ARHGAP28: variants seen among roughly 807,000 people sequenced by gnomAD.
The protein encoded by ARHGAP28 is Rho GTPase activating protein 28.
Under a neutral mutation model 90.7 loss-of-function variants are expected in ARHGAP28, and 56 were observed. That is an observed-to-expected ratio of 0.62 (90% CI 0.50 to 0.77). The LOEUF is 0.77. ARHGAP28 is among the 30% of genes least tolerant of loss of function. The pLI, the probability that ARHGAP28 is intolerant of heterozygous loss-of-function variation, is 0.00. For missense variants in ARHGAP28, 869 were observed against 900.9 expected (o/e 0.96, Z 0.45); for synonymous variants, 308 against 323.3 (o/e 0.95, Z 0.51).
chr18:6,753,088 G>C (rs2143271557), intron 1 of ARHGAP28, among the ~76,000 whole-genome samples: 1 of 152,198 alleles, frequency 6.6e-6, no homozygotes, highest in Admixed American at 6.5e-5. Flanking sequence ...TCTGGGTCTA[G>C]ACTAGATGTA....
At chr18:6,767,244 T>G (rs931220515) in intron 1 of ARHGAP28, among the ~76,000 whole-genome samples, 1 of 152,178 alleles carries the variant, frequency 6.6e-6, no homozygotes, top group African/African-American at 2.4e-5. Context: ...TTTGCTTTCA[T>G]TTTTTCTTCC....
intron 1 of ARHGAP28, among the ~76,000 whole-genome samples, chr18:6,801,725 T>C (rs1451595667): frequency 1.3e-5 from 2 of 152,172 alleles, no homozygotes; most frequent in Non-Finnish European, 2.9e-5. Flanking sequence ...AATTGAGATA[T>C]CCATAACCTT....
chr18:6,839,332 C>T (rs372704650), intron 3 of ARHGAP28, among the ~76,000 whole-genome samples: 17 of 140,706 alleles, frequency 1.2e-4, no homozygotes, highest in South Asian at 2.2e-4. Flanking sequence ...CTCGCTCTGT[C>T]GCCCAGGCTG....
chr18:6,862,739 A>G (rs2057008349), intron 5 of ARHGAP28, among the ~76,000 whole-genome samples: 1 of 152,340 alleles, frequency 6.6e-6, no homozygotes, highest in East Asian at 1.9e-4. Flanking sequence ...TTTAAAGATT[A>G]ATATTGGAGA....
chr18:6,876,125 T>G lies in ARHGAP28; in HGVS notation c.1213-6T>G. ...CTTATTCTGGTAATATATCATTGCT[T>G]TCTAGTTTTTTGAGAAAGTTGAGGA... On this transcript the variant is annotated splice_region_variant and splice_polypyrimidine_tract_variant and intron_variant, in intron 9 of 17. Coordinates refer to ENST00000383472, the MANE Select transcript of ARHGAP28 (RefSeq NM_001366230.1). 1 of 1,611,818 alleles carries G rather than the reference T, an allele frequency of 6.2e-7. No homozygotes were observed. Among genetic ancestry groups the G allele is most frequent in the South Asian group, 1.1e-5 (1 of 91,030 alleles).
intron 1 of ARHGAP28, among the ~76,000 whole-genome samples, chr18:6,733,433 T>C (rs1278853770): frequency 6.6e-6 from 1 of 152,146 alleles, no homozygotes; most frequent in Non-Finnish European, 1.5e-5. Context: ...TAAGAGTTAT[T>C]TCTTTTTTTA....
chr18:6,767,202 A>G (rs2056206498), intron 1 of ARHGAP28, among the ~76,000 whole-genome samples: 1 of 152,138 alleles, frequency 6.6e-6, no homozygotes, highest in African/African-American at 2.4e-5. Flanking sequence ...TTTGAGTAAT[A>G]CTATCATTTC....
intron 5 of ARHGAP28, among the ~76,000 whole-genome samples, chr18:6,862,862 G>A (rs1567974190): frequency 6.6e-6 from 1 of 152,058 alleles, no homozygotes; most frequent in South Asian, 2.1e-4. Context: ...ATTCCTTTAA[G>A]TCTTACACGC....
intron 1 of ARHGAP28, among the ~76,000 whole-genome samples, chr18:6,785,822 A>G (rs1323465097): frequency 1.3e-5 from 2 of 152,228 alleles, no homozygotes; most frequent in Admixed American, 1.3e-4. Context: ...CCATACGGTG[A>G]TAGTGCATGA....
rs1213192813 is a variant in ARHGAP28, at chr18:6,873,745, T to G, written c.1182T>G (p.Pro394=). ...VLLDGDRKKD[P]GVKVPLVLQK... ...TGGACGGTGACCGAAAGAAAGACCC[T>G]GGAGTGAAAGTTCCCCTGGTATTAC... The change falls in exon 9 of 18, where the codon CCT becomes CCG. Residue 394 remains proline, a synonymous_variant. Transcript: ENST00000383472. The G allele has an allele frequency of 1.2e-6, 2 of 1,613,900 alleles. No individual in the cohort carries two copies. Among genetic ancestry groups the G allele is most frequent in the Non-Finnish European group, 1.7e-6 (2 of 1,179,960 alleles).
chr18:6,768,669 A>G (rs1204400222), intron 1 of ARHGAP28, among the ~76,000 whole-genome samples: 1 of 152,154 alleles, frequency 6.6e-6, no homozygotes, highest in Non-Finnish European at 1.5e-5. Flanking sequence ...AGACCCCCAT[A>G]TGGATTAATT....
intron 1 of ARHGAP28, among the ~76,000 whole-genome samples, chr18:6,752,493 T>C (rs1243806524): frequency 1.3e-5 from 2 of 152,228 alleles, no homozygotes; most frequent in African/African-American, 4.8e-5. Flanking sequence ...GTTCTCTTTC[T>C]CTAACTTGGT....
chr18:6,888,423 C>T (rs1276234490), intron 12 of ARHGAP28, among the ~76,000 whole-genome samples: 4 of 152,152 alleles, frequency 2.6e-5, no homozygotes, highest in Non-Finnish European at 5.9e-5. Context: ...AGTGCTGCCT[C>T]TTATCAGACA....
At chr18:6,862,640 A>G (rs2057007523) in intron 5 of ARHGAP28, among the ~76,000 whole-genome samples, 1 of 152,198 alleles carries the variant, frequency 6.6e-6, no homozygotes, top group South Asian at 2.1e-4. Context: ...GGCCCTTCTT[A>G]GAAATTTTTT....
intron 3 of ARHGAP28, among the ~76,000 whole-genome samples, chr18:6,841,167 CCTCTCTCTCTCTCCTCT>C (rs1488421214): frequency 4.3e-4 from 34 of 79,962 alleles, no homozygotes; most frequent in East Asian, 1.3e-3. Context: ...TTCTCTCTCT[CCTCTCTCTCTCTCCTCT>C]CTCTCTCTCT....
chr18:6,892,562 C>T (rs1189323886), intron 14 of ARHGAP28, among the ~76,000 whole-genome samples: 2 of 152,028 alleles, frequency 1.3e-5, no homozygotes, highest in Non-Finnish European at 2.9e-5. Flanking sequence ...TTTTACCTAA[C>T]AGCTATTTGT....
At chr18:6,793,009 A>T (rs1050674204) in intron 1 of ARHGAP28, among the ~76,000 whole-genome samples, 1 of 152,244 alleles carries the variant, frequency 6.6e-6, no homozygotes, top group African/African-American at 2.4e-5. Flanking sequence ...AAACCTTGAA[A>T]GAAACAACTT....
In ARHGAP28 at chr18:6,850,680, A is replaced by C. The variant is rs985734745; in HGVS notation, c.544-354A>C. On this transcript the variant is annotated intron_variant, in intron 3 of 17. Transcript: ENST00000383472. ...CCAAGTAGAATTACATTCATATCTTACTGGATGGAACCATCACATGATCAC... is the reference window on the plus strand; with the variant it reads ...CCAAGTAGAATTACATTCATATCTTCCTGGATGGAACCATCACATGATCAC... 17 of 719,606 alleles carry C rather than the reference A, an allele frequency of 2.4e-5. No individual in the cohort carries two copies. The South Asian group carries it at 3.7e-4, about 16-fold the overall frequency. The allele number at this position is 719,606 out of a possible 1,614,324, so 44.6% of individuals were successfully genotyped here.
At chr18:6,896,358 A>G in intron 15 of ARHGAP28, 144 bp from the exon 16 acceptor site, 1 of 925,472 alleles carries the variant, frequency 1.1e-6, no homozygotes, top group South Asian at 2.6e-5. Flanking sequence ...GAAAGAAAGT[A>G]ATGTTCCATT....
Sources: gnomAD v4.1 joint callset for allele counts (sites outside exome capture counted in the v4.1 genomes callset) on GRCh38, gnomAD v4.1.1 for gene constraint, MANE v1.5 for transcripts, NCBI Gene and HGNC (gene_info 2026-07-23, HGNC 2026-07-21) for gene names.